SNX10: variants seen among roughly 807,000 people sequenced by gnomAD.
The protein encoded by SNX10 is sorting nexin 10.
Under a neutral mutation model 28.5 loss-of-function variants are expected in SNX10, and 25 were observed. The observed-to-expected ratio is 0.88, with a 90% confidence interval of 0.64 to 1.22. The LOEUF (loss-of-function observed/expected upper bound fraction) is 1.22. Ranked by LOEUF, SNX10 falls within the 50% of genes most tolerant of loss-of-function variation. The pLI, the probability that SNX10 is intolerant of heterozygous loss-of-function variation, is 0.00. For missense variants in SNX10, 223 were observed against 242.6 expected, an observed-to-expected ratio of 0.92 and a Z score of 0.54; for synonymous variants, 62 against 81.4, an observed-to-expected ratio of 0.76 and a Z score of 1.28.
intron 1 of SNX10, among the ~76,000 whole-genome samples, chr7:26,308,209 T>C (rs549700309): frequency 3.7e-4 from 57 of 152,346 alleles, no homozygotes; most frequent in Non-Finnish European, 2.1e-4. Context: ...GACTTTCTCC[T>C]GTTCTCCCTT....
intron 2 of SNX10, among the ~76,000 whole-genome samples, chr7:26,358,253 A>G (rs1161170041): frequency 2.6e-5 from 4 of 152,214 alleles, no homozygotes; most frequent in Non-Finnish European, 4.4e-5. Context: ...AGCATAGGCC[A>G]AGAGCAGAGT....
chr7:26,347,269 C>T (rs1788426840), intron 2 of SNX10, among the ~76,000 whole-genome samples: 1 of 152,250 alleles, frequency 6.6e-6, no homozygotes, highest in Non-Finnish European at 1.5e-5. Flanking sequence ...AATTTCAGCC[C>T]TATCTTTGGC....
intron 1 of SNX10, among the ~76,000 whole-genome samples, chr7:26,304,158 C>T (rs554484065): frequency 3.3e-5 from 5 of 152,250 alleles, no homozygotes; most frequent in Admixed American, 2.6e-4. Flanking sequence ...AGCCTTGGGT[C>T]ACTCCTCCTC....
chr7:26,336,260 C>T (rs992992361), intron 1 of SNX10, among the ~76,000 whole-genome samples: 1 of 150,658 alleles, frequency 6.6e-6, no homozygotes, highest in Admixed American at 6.6e-5. Flanking sequence ...AATCTTTTGG[C>T]GAAATACAGA....
At position 26,373,957 on chromosome 7, in the gene SNX10, C is replaced by A. The variant is rs1789675767; in HGVS notation, c.*1385C>A. On this transcript the variant is annotated 3_prime_UTR_variant, in exon 7 of 7. Coordinates refer to ENST00000338523, the MANE Select transcript of SNX10 (RefSeq NM_013322.3). This position sits in a 1 kb window ranked among gnomAD's most constrained non-coding sequence, Gnocchi z 4.2. ...ATTAAATTTAGAATAAGAATGATTT[C>A]TTTAATTTGTCCTTTTTTTCTTTGG... 2 of 151,792 alleles carry A rather than the reference C, an allele frequency of 1.3e-5. No homozygotes were observed. The highest frequency in any genetic ancestry group is 2.4e-5 in the African/African-American group (1 of 41,344). The allele number at this position is 151,792 out of a possible 1,614,324, so 9.4% of individuals were successfully genotyped here.
In SNX10 at chr7:26,323,787, G is replaced by A. The variant is rs1007144518; in HGVS notation, c.-23-22633G>A. Among the ~76,000 whole-genome samples, 10 of 152,180 alleles carry A rather than the reference G, an allele frequency of 6.6e-5. No homozygotes were observed. The South Asian group carries it at 2.1e-3, about 32-fold the overall frequency. ...CTGGCTGATGCATGGTGGTAACCAG[G>A]AGTAGGGTTTCAGCAATAAAGTTGG... On this transcript the variant is annotated intron_variant, in intron 1 of 6. Coordinates refer to ENST00000338523, the MANE Select transcript of SNX10 (RefSeq NM_013322.3).
At chr7:26,301,523 G>T (rs1786366749) in intron 1 of SNX10, among the ~76,000 whole-genome samples, 2 of 152,158 alleles carry the variant, frequency 1.3e-5, no homozygotes, top group Admixed American at 1.3e-4. Flanking sequence ...GGCACCAAAG[G>T]CCAAAGACAG....
chr7:26,322,638 T>A (rs1787353547), intron 1 of SNX10, among the ~76,000 whole-genome samples: 5 of 152,258 alleles, frequency 3.3e-5, no homozygotes, highest in Admixed American at 3.3e-4. Context: ...TTGGCGTTGA[T>A]GTTGTGTACT....
At chr7:26,301,666 A>AT (rs1786372054) in intron 1 of SNX10, among the ~76,000 whole-genome samples, 1 of 152,222 alleles carries the variant, frequency 6.6e-6, no homozygotes, top group Non-Finnish European at 1.5e-5. Context: ...GTACTCAACC[A>AT]TGTACCACAC....
At chr7:26,305,228 A>G (rs1584093291) in intron 1 of SNX10, among the ~76,000 whole-genome samples, 1 of 152,106 alleles carries the variant, frequency 6.6e-6, no homozygotes, top group East Asian at 1.9e-4. Context: ...CTTGTCCGTG[A>G]GCTCCAGTCT....
chr7:26,354,678 T>A (rs1323742610), intron 2 of SNX10, among the ~76,000 whole-genome samples: 1 of 127,330 alleles, frequency 7.9e-6, no homozygotes, highest in African/African-American at 2.9e-5. Flanking sequence ...ACCTCACCCG[T>A]CTGATAGTTT....
chr7:26,337,897 A>G (rs918822247), intron 1 of SNX10, among the ~76,000 whole-genome samples: 2 of 152,208 alleles, frequency 1.3e-5, no homozygotes, highest in Non-Finnish European at 2.9e-5. Flanking sequence ...ACTGTTTTCT[A>G]TAGCAGCTGC....
At chr7:26,344,436 T>G (rs1346433205) in intron 1 of SNX10, among the ~76,000 whole-genome samples, 1 of 140,264 alleles carries the variant, frequency 7.1e-6, no homozygotes, top group Non-Finnish European at 1.5e-5. Flanking sequence ...CCCAAAGTGC[T>G]AGGATTACAG....
At chr7:26,350,364 C>G (rs1788548965) in intron 2 of SNX10, among the ~76,000 whole-genome samples, 1 of 152,048 alleles carries the variant, frequency 6.6e-6, no homozygotes, top group Non-Finnish European at 1.5e-5. Context: ...ATGGGGAGAG[C>G]CGGCAGGGAG....
At chr7:26,349,993 T>A (rs907210595) in intron 2 of SNX10, among the ~76,000 whole-genome samples, 18 of 152,296 alleles carry the variant, frequency 1.2e-4, no homozygotes, top group African/African-American at 4.3e-4. Context: ...GGCACAGGGC[T>A]CACTTGGTGT....
At chr7:26,353,171 AATC>A (rs1156986749) in intron 2 of SNX10, among the ~76,000 whole-genome samples, 1 of 152,200 alleles carries the variant, frequency 6.6e-6, no homozygotes, top group African/African-American at 2.4e-5. Flanking sequence ...CTTCTCAAAA[AATC>A]ATCATTCAGT....
At chr7:26,368,722 T>C (rs1789389460) in intron 5 of SNX10, among the ~76,000 whole-genome samples, 1 of 152,208 alleles carries the variant, frequency 6.6e-6, no homozygotes, top group African/African-American at 2.4e-5. Context: ...GATTTTTATG[T>C]CTTTGTGTTC....
chr7:26,310,776 G>GCA (rs1786805166), intron 1 of SNX10, among the ~76,000 whole-genome samples: 2 of 151,844 alleles, frequency 1.3e-5, no homozygotes, highest in African/African-American at 2.4e-5. Context: ...CCGCCTCCTG[G>GCA]GGTTCACGCC....
At chr7:26,348,805 T>C (rs1321664741) in intron 2 of SNX10, among the ~76,000 whole-genome samples, 1 of 152,210 alleles carries the variant, frequency 6.6e-6, no homozygotes, top group Non-Finnish European at 1.5e-5. Flanking sequence ...TTTTAGAGCC[T>C]TGAATGCTCC....
Sources: allele counts gnomAD v4.1 joint callset (sites outside exome capture counted in the v4.1 genomes callset), GRCh38; gene constraint gnomAD v4.1.1; non-coding constraint Gnocchi (gnomAD v3.1); transcripts MANE v1.5; gene names NCBI Gene and HGNC (gene_info 2026-07-23, HGNC 2026-07-21).